The following C1QTNF7 variants were observed in gnomAD, a reference collection of about 807,000 sequenced individuals.
C1QTNF7 encodes complement C1q tumor necrosis factor-related protein 7.
C1QTNF7 carries 15 observed loss-of-function variants against 19.6 expected under a neutral mutation model. The ratio of observed to expected loss-of-function variants is 0.76; its 90% CI spans 0.51 to 1.18. The LOEUF is 1.18. Among genes scored for constraint, C1QTNF7 ranks in the 50% most tolerant of loss-of-function variants. The pLI, the probability that C1QTNF7 is intolerant of heterozygous loss-of-function variation, is 0.00. For synonymous variants in C1QTNF7, 142 were observed against 137.5 expected, an observed-to-expected ratio of 1.03 and a Z score of -0.23; for missense variants, 324 against 359.7, an observed-to-expected ratio of 0.90 and a Z score of 0.80.
intron 1 of C1QTNF7, among the ~76,000 whole-genome samples, chr4:15,364,964 A>C (rs1717458885): frequency 6.6e-6 from 1 of 152,154 alleles, no homozygotes; most frequent in African/African-American, 2.4e-5. Context: ...GTGAAAACCA[A>C]AACTGGAGTA....
At chr4:15,340,527 C>G (rs1421108390) in intron 1 of C1QTNF7, among the ~76,000 whole-genome samples, 1 of 152,156 alleles carries the variant, frequency 6.6e-6, no homozygotes, top group African/African-American at 2.4e-5. Flanking sequence ...GACAGGCTAA[C>G]TTATTCCCAA....
chr4:15,357,410 T>C (rs1359235586), intron 1 of C1QTNF7, among the ~76,000 whole-genome samples: 3 of 152,232 alleles, frequency 2.0e-5, no homozygotes, highest in Admixed American at 6.5e-5. Context: ...TTGTTGTAGA[T>C]GTGTGGCATT....
intron 1 of C1QTNF7, among the ~76,000 whole-genome samples, chr4:15,434,568 T>G (rs1220981820): frequency 6.6e-6 from 1 of 152,196 alleles, no homozygotes; most frequent in Non-Finnish European, 1.5e-5. Context: ...CTCATTTGCA[T>G]GACCCCAGAA....
chr4:15,375,278 A>C (rs1190833565), intron 1 of C1QTNF7, among the ~76,000 whole-genome samples: 1 of 152,148 alleles, frequency 6.6e-6, no homozygotes, highest in Non-Finnish European at 1.5e-5. Flanking sequence ...AGTGGCATAA[A>C]TTCTGTGTTC....
At position 15,430,852 on chromosome 4, in the gene C1QTNF7, C is replaced by A. The variant is rs1279280789; in HGVS notation, c.-9+2746C>A. ...AATTTTTAAATGTGAAAAAATGAAA[C>A]AAAAAAATTGAAAGAAAAGCACAAG... On this transcript the variant is annotated intron_variant, in intron 1 of 2. Transcript: ENST00000444304. 2.0e-5 allele frequency among the ~76,000 whole-genome samples: 3 copies of A among 151,910 alleles called. No individual in the cohort carries two copies. The East Asian group carries it at 5.8e-4, about 29-fold the overall frequency.
At chr4:15,372,356 A>T (rs1227568403) in intron 1 of C1QTNF7, among the ~76,000 whole-genome samples, 1 of 152,174 alleles carries the variant, frequency 6.6e-6, no homozygotes, top group African/African-American at 2.4e-5. Flanking sequence ...TGCCCACCAT[A>T]TGAGGACACA....
intron 1 of C1QTNF7, among the ~76,000 whole-genome samples, chr4:15,351,238 C>A (rs2109288383): frequency 6.6e-6 from 1 of 152,260 alleles, no homozygotes; most frequent in Middle Eastern, 3.4e-3. Context: ...TTTCTGTCTT[C>A]TTCCGTCCTT....
At chr4:15,391,928 G>A (rs766056924) in intron 1 of C1QTNF7, among the ~76,000 whole-genome samples, 2 of 152,138 alleles carry the variant, frequency 1.3e-5, no homozygotes, top group Non-Finnish European at 2.9e-5. Flanking sequence ...GCATTACAAC[G>A]TGGGTCTTAT....
intron 1 of C1QTNF7, among the ~76,000 whole-genome samples, chr4:15,402,274 C>G (rs1198480149): frequency 6.6e-6 from 1 of 152,136 alleles, no homozygotes; most frequent in Non-Finnish European, 1.5e-5. Context: ...TTTCACTCAG[C>G]CAAGCTATGC....
chr4:15,407,289 G>A (rs943507861), intron 1 of C1QTNF7, among the ~76,000 whole-genome samples: 3 of 152,140 alleles, frequency 2.0e-5, no homozygotes, highest in Non-Finnish European at 2.9e-5. Flanking sequence ...ATTTAAAGTT[G>A]TATTCTGTGC....
intron 2 of C1QTNF7, among the ~76,000 whole-genome samples, chr4:15,437,643 T>C (rs990373532): frequency 2.0e-5 from 3 of 152,232 alleles, no homozygotes; most frequent in African/African-American, 2.4e-5. Flanking sequence ...ACCACATTCA[T>C]AGATCCACTC....
intron 1 of C1QTNF7, among the ~76,000 whole-genome samples, chr4:15,395,105 G>A (rs1399056569): frequency 1.3e-5 from 2 of 152,228 alleles, no homozygotes; most frequent in Non-Finnish European, 1.5e-5. Flanking sequence ...GCAGAAGGGA[G>A]AGAAGAGAGA....
chr4:15,392,302 G>T (rs756180475), intron 1 of C1QTNF7, among the ~76,000 whole-genome samples: 1 of 152,070 alleles, frequency 6.6e-6, no homozygotes, highest in African/African-American at 2.4e-5. Context: ...TATCTAGGGG[G>T]CGCTTACTTA....
upstream of C1QTNF7, among the ~76,000 whole-genome samples, chr4:15,427,073 A>G (rs1292514215): frequency 6.6e-6 from 1 of 152,156 alleles, no homozygotes; most frequent in Non-Finnish European, 1.5e-5. Context: ...TCAAAGGACC[A>G]TTTCCTCCAG....
intron 1 of C1QTNF7, among the ~76,000 whole-genome samples, chr4:15,392,315 T>C (rs1405338109): frequency 6.6e-6 from 1 of 152,166 alleles, no homozygotes; most frequent in Non-Finnish European, 1.5e-5. Flanking sequence ...CTTACTTAAA[T>C]CACCTCATTC....
chr4:15,348,074 A>T (rs1230573840), intron 1 of C1QTNF7, among the ~76,000 whole-genome samples: 1 of 152,164 alleles, frequency 6.6e-6, no homozygotes, highest in Non-Finnish European at 1.5e-5. Context: ...AAGCTAGAAG[A>T]TAGTTACTTT....
Position 15,402,984 on chromosome 4 carries a change from GTT to G in C1QTNF7, c.14-32739_14-32738del, listed in dbSNP as rs5856299. ...AGTTTGTTTTGCTTTGCTTTTTTCT[GTT>G]TTTTTTTTTTTTAATAAAATTCCTT... is the stretch of plus-strand genomic sequence containing the variant. On this transcript the variant is annotated intron_variant, in intron 1 of 2. Coordinates refer to the C1QTNF7 transcript ENST00000295297. Among the ~76,000 whole-genome samples the G allele has an allele frequency of 1.7e-3, 246 of 144,550 alleles. 1 individual carries two copies. Among genetic ancestry groups the G allele is most frequent in the East Asian group, 4.1e-3 (21 of 5,062 alleles). 94.8% of individuals were successfully genotyped at this position (144,550 alleles called of 152,430 possible).
At chr4:15,392,091 T>C (rs1718581332) in intron 1 of C1QTNF7, among the ~76,000 whole-genome samples, 1 of 152,156 alleles carries the variant, frequency 6.6e-6, no homozygotes, top group Non-Finnish European at 1.5e-5. Context: ...TTAGAATGAA[T>C]TTGTTAGAGA....
intron 1 of C1QTNF7, among the ~76,000 whole-genome samples, chr4:15,354,933 G>A (rs546896301): frequency 1.3e-5 from 2 of 152,016 alleles, no homozygotes; most frequent in Non-Finnish European, 1.5e-5. Flanking sequence ...GCTCACATTC[G>A]CATGTGTTTC....
Sources: allele counts gnomAD v4.1 joint callset (sites outside exome capture counted in the v4.1 genomes callset), GRCh38; gene constraint gnomAD v4.1.1; transcripts MANE v1.5; gene names NCBI Gene and HGNC (gene_info 2026-07-23, HGNC 2026-07-21).